CSGALNACT2: variants seen among roughly 807,000 people sequenced by gnomAD.
CSGALNACT2 encodes beta 4 GalNAcT-2.
In CSGALNACT2, 35 loss-of-function variants were observed where a neutral mutation model predicts 55.3. The observed-to-expected ratio is 0.63, with a 90% CI of 0.48 to 0.84. The LOEUF (loss-of-function observed/expected upper bound fraction) is 0.84, where lower values mean the gene tolerates loss of function less well. Ranked by LOEUF, CSGALNACT2 falls within the 40% of genes least tolerant of loss-of-function variation. CSGALNACT2 has a pLI of 0.00. For missense variants in CSGALNACT2, 544 were observed against 657.5 expected, an observed-to-expected ratio of 0.83 and a Z score of 1.89; for synonymous variants, 196 against 224.9, an observed-to-expected ratio of 0.87 and a Z score of 1.15.
At position 43,158,753 on chromosome 10, in the gene CSGALNACT2, G is replaced by A. The variant is rs1416868862; in HGVS notation, c.700G>A (p.Glu234Lys). 1 of 1,611,774 alleles carries A rather than the reference G, an allele frequency of 6.2e-7. No individual in the cohort carries two copies. The highest frequency in any genetic ancestry group is 1.1e-5 in the South Asian group (1 of 91,016). The change falls in exon 3 of 8, where the codon GAA becomes AAA. Residue 234 changes from glutamate (E) to lysine (K), a missense_variant. This residue lies in a region of CSGALNACT2 where 374 missense variants were observed against 401.3 expected (regional missense o/e 0.93). Coordinates refer to ENST00000374466, the MANE Select transcript of CSGALNACT2 (RefSeq NM_018590.5). Reference protein sequence around the residue: ...RTERDKGTQYELFFKKADLTE... With the variant: ...RTERDKGTQYKLFFKKADLTE... ...TGAGAGAGATAAGGGCACACAGTATGAACTCTTTTTTAAGAAAGCAGACCT... is the reference window on the plus strand; with the variant it reads ...TGAGAGAGATAAGGGCACACAGTATAAACTCTTTTTTAAGAAAGCAGACCT...
chr10:43,156,577 C>T (rs1839013393), intron 2 of CSGALNACT2, among the ~76,000 whole-genome samples: 1 of 152,168 alleles, frequency 6.6e-6, no homozygotes, highest in Non-Finnish European at 1.5e-5. Flanking sequence ...CACAGTGGTC[C>T]CCAGCCTTTT....
At chr10:43,153,938 G>A (rs1838936163) in intron 1 of CSGALNACT2, among the ~76,000 whole-genome samples, 1 of 152,124 alleles carries the variant, frequency 6.6e-6, no homozygotes, top group South Asian at 2.1e-4. Flanking sequence ...GAAATCTGTT[G>A]ATGCATAATA....
intron 1 of CSGALNACT2, among the ~76,000 whole-genome samples, chr10:43,143,311 A>T (rs184413296): frequency 1.5e-3 from 227 of 152,330 alleles, no homozygotes; most frequent in Middle Eastern, 3.4e-3. Context: ...CCTTTCCTCT[A>T]TTGATGAACA....
chr10:43,177,181 A>C (rs931579730), intron 7 of CSGALNACT2, among the ~76,000 whole-genome samples: 2 of 152,202 alleles, frequency 1.3e-5, no homozygotes, highest in Non-Finnish European at 2.9e-5. Flanking sequence ...TGCTTAGTTA[A>C]GCAAGCAGCA....
rs1220608769 is a variant in CSGALNACT2 at position 43,184,764 on chromosome 10, G to C, written c.*1222G>C. ...TGCACTACATTATTTGTCACACATG[G>C]ATCTGTTACCATCAGGTCAATTCCT... is the stretch of plus-strand genomic sequence containing the variant. On this transcript the variant is annotated 3_prime_UTR_variant, in exon 8 of 8. Coordinates refer to ENST00000374466, the MANE Select transcript of CSGALNACT2 (RefSeq NM_018590.5). 2.0e-5 allele frequency: 3 copies of C among 152,108 alleles called. No homozygotes were observed. Among genetic ancestry groups the C allele is most frequent in the Non-Finnish European group, 4.4e-5 (3 of 67,998 alleles). 9.4% of individuals were successfully genotyped at this position (152,108 alleles called of 1,614,324 possible). A position where few individuals can be genotyped will look rare whatever the true frequency, so the allele number is the denominator to read the frequency against.
chr10:43,166,566 T>C (rs1839268846), intron 5 of CSGALNACT2, among the ~76,000 whole-genome samples: 1 of 152,252 alleles, frequency 6.6e-6, no homozygotes. Flanking sequence ...ATTCTCTGCA[T>C]ATCTATTCAT....
chr10:43,161,642 C>T (rs1839151721), intron 4 of CSGALNACT2, among the ~76,000 whole-genome samples: 2 of 152,174 alleles, frequency 1.3e-5, no homozygotes, highest in Non-Finnish European at 2.9e-5. Flanking sequence ...TATATAGACA[C>T]AATTCACTGT....
chr10:43,154,726 C>CAAAAAAAAAAAAA (rs369196889), intron 1 of CSGALNACT2, among the ~76,000 whole-genome samples, 171 bp from the exon 2 acceptor site: 1 of 99,890 alleles, frequency 1.0e-5, no homozygotes. Context: ...GACTCCATCT[C>CAAAAAAAAAAAAA]AAAAAAAAAA....
intron 6 of CSGALNACT2, among the ~76,000 whole-genome samples, chr10:43,172,047 T>A (rs761843402): frequency 2.6e-5 from 4 of 152,224 alleles, no homozygotes; most frequent in Non-Finnish European, 5.9e-5. Flanking sequence ...CCTCCGTCGC[T>A]TCTGTTGGGG....
At chr10:43,165,141 C>A (rs188161778) in intron 5 of CSGALNACT2, among the ~76,000 whole-genome samples, 49 of 152,160 alleles carry the variant, frequency 3.2e-4, no homozygotes, top group African/African-American at 1.1e-3. Flanking sequence ...AGGAGAATGG[C>A]GTGAGCCCAG....
chr10:43,181,495 C>T (rs1309958840), intron 7 of CSGALNACT2, among the ~76,000 whole-genome samples: 1 of 152,254 alleles, frequency 6.6e-6, no homozygotes, highest in East Asian at 1.9e-4. Context: ...GAGCTTATAT[C>T]TACAAGGAAG....
At chr10:43,172,444 T>C (rs1227973851) in intron 6 of CSGALNACT2, among the ~76,000 whole-genome samples, 1 of 152,230 alleles carries the variant, frequency 6.6e-6, no homozygotes, top group Non-Finnish European at 1.5e-5. Context: ...ATTAATTCAT[T>C]TAATCCTCCT....
At chr10:43,142,912 A>G (rs1180474723) in intron 1 of CSGALNACT2, among the ~76,000 whole-genome samples, 1 of 152,216 alleles carries the variant, frequency 6.6e-6, no homozygotes, top group African/African-American at 2.4e-5. Flanking sequence ...ATTTGAGTCT[A>G]TTACCACCAC....
At chr10:43,154,775 A>G (rs1838957396) in intron 1 of CSGALNACT2, 122 bp from the exon 2 acceptor site, 1 of 169,262 alleles carries the variant, frequency 5.9e-6, no homozygotes, top group South Asian at 1.7e-4. Context: ...TCTAAATTAT[A>G]TTAGTACCTC....
chr10:43,171,052 A>C (rs991195484), intron 6 of CSGALNACT2, among the ~76,000 whole-genome samples: 8 of 152,246 alleles, frequency 5.3e-5, no homozygotes, highest in Admixed American at 6.5e-5. Context: ...AATAGAAAAA[A>C]AAGACAGTAA....
At chr10:43,160,419 C>T (rs1428443754) in intron 3 of CSGALNACT2, 75 bp from the exon 4 acceptor site, 6 of 749,902 alleles carry the variant, frequency 8.0e-6, no homozygotes, top group Non-Finnish European at 1.4e-5. Flanking sequence ...CTTGTTAAAG[C>T]TTCATGTGGT....
intron 6 of CSGALNACT2, among the ~76,000 whole-genome samples, chr10:43,167,725 C>T (rs1189324715): frequency 6.6e-6 from 1 of 152,096 alleles, no homozygotes; most frequent in East Asian, 1.9e-4. Flanking sequence ...TGGTAAGTTA[C>T]TGCTAAGTAC....
At chr10:43,162,286 C>A in intron 4 of CSGALNACT2, 2 of 603,450 alleles carry the variant, frequency 3.3e-6, no homozygotes, top group South Asian at 2.7e-5. Context: ...GAGGAAAGAG[C>A]TTTCTCCCAG....
chr10:43,145,912 A>C (rs963887400), intron 1 of CSGALNACT2, among the ~76,000 whole-genome samples: 4 of 152,142 alleles, frequency 2.6e-5, no homozygotes, highest in African/African-American at 9.7e-5. Flanking sequence ...TTTTAGGTAA[A>C]TATCTAGGAA....
Sources: allele counts gnomAD v4.1 joint callset (sites outside exome capture counted in the v4.1 genomes callset), GRCh38; gene constraint gnomAD v4.1.1; regional missense constraint gnomAD v4.1.1; transcripts MANE v1.5; gene names NCBI Gene and HGNC (gene_info 2026-07-23, HGNC 2026-07-21).